Variants in UBE2U observed in about 807,000 individuals in gnomAD.
UBE2U encodes the protein ubiquitin-conjugating enzyme E2 U.
UBE2U carries 39 observed loss-of-function variants against 41.2 expected under a neutral mutation model. The ratio of observed to expected loss-of-function variants is 0.95; its 90% confidence interval spans 0.73 to 1.24. The LOEUF is 1.24. Ranked by LOEUF, UBE2U falls within the 50% of genes most tolerant of loss-of-function variation. The probability of loss-of-function intolerance (pLI) is 0.00; values close to 1 mark genes in which losing one functional copy is unlikely to be tolerated. For missense variants in UBE2U, 336 were observed against 363.1 expected (o/e 0.93, Z 0.61); for synonymous variants, 107 against 117.8 (o/e 0.91, Z 0.60).
intron 1 of UBE2U, 88 bp downstream of exon 1, chr1:64,204,204 T>C (rs1651148581): frequency 7.8e-7 from 1 of 1,287,002 alleles, no homozygotes; most frequent in East Asian, 2.5e-5. Flanking sequence ...TAAGTAGTAA[T>C]TTAGTTAAAC....
At chr1:64,261,656 T>C (rs1397850281) in intron 9 of UBE2U, among the ~76,000 whole-genome samples, 1 of 152,154 alleles carries the variant, frequency 6.6e-6, no homozygotes, top group Non-Finnish European at 1.5e-5. Flanking sequence ...TCCATTCAAC[T>C]CTCCCTTCTT....
intron 1 of UBE2U, among the ~76,000 whole-genome samples, chr1:64,204,439 TA>T (rs2100227363): frequency 6.6e-6 from 1 of 152,314 alleles, no homozygotes; most frequent in Non-Finnish European, 1.5e-5. Flanking sequence ...TACTATACAA[TA>T]AGTAGTATTT....
At chr1:64,218,199 A>G (rs1652163666) in intron 5 of UBE2U, among the ~76,000 whole-genome samples, 2 of 152,104 alleles carry the variant, frequency 1.3e-5, no homozygotes, top group Non-Finnish European at 2.9e-5. Context: ...ATCATTCAGA[A>G]CCAGTTTTGT....
intron 7 of UBE2U, among the ~76,000 whole-genome samples, chr1:64,237,167 C>T (rs1644681914): frequency 6.6e-6 from 1 of 151,902 alleles, no homozygotes; most frequent in South Asian, 2.1e-4. Context: ...TTATGTTGCT[C>T]TATGGTTAGC....
chr1:64,250,669 T>C (rs909633377), intron 8 of UBE2U, among the ~76,000 whole-genome samples: 2 of 151,898 alleles, frequency 1.3e-5, no homozygotes, highest in Non-Finnish European at 2.9e-5. Flanking sequence ...AAGCCAAATG[T>C]CCAACAATGA....
At chr1:64,217,260 C>A (rs1652089715) in intron 5 of UBE2U, among the ~76,000 whole-genome samples, 1 of 152,112 alleles carries the variant, frequency 6.6e-6, no homozygotes, top group Non-Finnish European at 1.5e-5. Flanking sequence ...CAAAGAGCTT[C>A]TTTGATAAAA....
At chr1:64,260,047 C>T (rs1027861170) in intron 8 of UBE2U, among the ~76,000 whole-genome samples, 9 of 151,658 alleles carry the variant, frequency 5.9e-5, no homozygotes, top group Admixed American at 2.6e-4. Flanking sequence ...GAGACCCACA[C>T]GGAAAAGGTC....
At chr1:64,222,430 T>C (rs2100334354) in intron 6 of UBE2U, among the ~76,000 whole-genome samples, 1 of 152,348 alleles carries the variant, frequency 6.6e-6, no homozygotes, top group East Asian at 1.9e-4. Context: ...CAGAAGACCT[T>C]CTGTGGTCTC....
chr1:64,239,793 A>C (rs1442307142), intron 7 of UBE2U, among the ~76,000 whole-genome samples: 1 of 152,056 alleles, frequency 6.6e-6, no homozygotes, highest in African/African-American at 2.4e-5. Flanking sequence ...GTTGGTTCCA[A>C]GTCTTGGCTA....
chr1:64,253,412 G>A (rs1419374906), intron 8 of UBE2U, among the ~76,000 whole-genome samples: 1 of 152,040 alleles, frequency 6.6e-6, no homozygotes, highest in Non-Finnish European at 1.5e-5. Context: ...GAAATCCAGA[G>A]AACCCCAGTA....
intron 6 of UBE2U, among the ~76,000 whole-genome samples, chr1:64,224,533 G>C (rs1025321299): frequency 1.3e-5 from 2 of 152,072 alleles, no homozygotes; most frequent in African/African-American, 4.8e-5. Flanking sequence ...AACCAGCCTG[G>C]TCAACATGAT....
rs112155841 is a variant in UBE2U at position 64,227,809 on chromosome 1, A to C, written c.507-4752A>C. 5.2e-4 allele frequency among the ~76,000 whole-genome samples: 78 copies of C among 150,314 alleles called. 1 individual carries two copies. The highest frequency in any genetic ancestry group is 6.8e-3 in the Middle Eastern group (2 of 292). The stretch of plus-strand genomic sequence containing the variant: ...AACAAGAACAAAACTTCATCTCACA[A>C]AAAAAAAAATGATAATAAAATACCA... On this transcript the variant is annotated intron_variant, in intron 6 of 9. Coordinates refer to ENST00000371077, the MANE Select transcript of UBE2U (RefSeq NM_001366232.2).
chr1:64,239,116 A>AGGAAGAAGAAG (rs201771035), intron 7 of UBE2U, among the ~76,000 whole-genome samples: 1 of 35,250 alleles, frequency 2.8e-5, no homozygotes, highest in African/African-American at 2.2e-4. Flanking sequence ...AAGAAGAAGA[A>AGGAAGAAGAAG]GAAGAAGAAG....
At chr1:64,205,225 T>C (rs1209527669) in intron 1 of UBE2U, among the ~76,000 whole-genome samples, 1 of 152,240 alleles carries the variant, frequency 6.6e-6, no homozygotes, top group Non-Finnish European at 1.5e-5. Context: ...TTTTTCTTAA[T>C]GAAAATGTTC....
At position 64,262,494 on chromosome 1, in the gene UBE2U, G is replaced by A. The variant is rs1419843776; in HGVS notation, c.769+1800G>A. On this transcript the variant is annotated intron_variant, in intron 9 of 9. Coordinates refer to ENST00000371077, the MANE Select transcript of UBE2U (RefSeq NM_001366232.2). ...TGCTTCCCAGCCCAGTGAGGTTGTC[G>A]ACAGAATCCATTTTCTTCTGTCTTT... Among the ~76,000 whole-genome samples the A allele has an allele frequency of 5.3e-5, 8 of 152,190 alleles. No homozygotes were observed. The South Asian group carries it at 1.5e-3, about 28-fold the overall frequency.
chr1:64,239,631 T>C (rs1644799966), intron 7 of UBE2U, among the ~76,000 whole-genome samples: 1 of 151,310 alleles, frequency 6.6e-6, no homozygotes. Context: ...TGGTTTTCTG[T>C]CCTTGTGATA....
At chr1:64,245,381 A>G (rs941781943) in intron 8 of UBE2U, among the ~76,000 whole-genome samples, 3 of 152,190 alleles carry the variant, frequency 2.0e-5, no homozygotes, top group African/African-American at 4.8e-5. Flanking sequence ...ATATAAAACT[A>G]TGTTTGTGCC....
In UBE2U at chr1:64,204,010, G is replaced by C; in HGVS notation, c.-41G>C. On this transcript the variant is annotated 5_prime_UTR_variant, in exon 1 of 10. Coordinates refer to ENST00000371077, the MANE Select transcript of UBE2U (RefSeq NM_001366232.2). Reference sequence around the variant, plus strand: ...CAAACATCTGCCTCAGAGTAAACCTGAGGCATTTGGGGACAAGTGTCAGAC... The same window carrying C: ...CAAACATCTGCCTCAGAGTAAACCTCAGGCATTTGGGGACAAGTGTCAGAC... 1.3e-6 allele frequency: 2 copies of C among 1,599,646 alleles called. No homozygotes were observed. The highest frequency in any genetic ancestry group is 2.7e-5 in the African/African-American group (2 of 74,698).
intron 7 of UBE2U, among the ~76,000 whole-genome samples, chr1:64,235,451 A>G (rs1269186379): frequency 1.3e-5 from 2 of 152,200 alleles, no homozygotes; most frequent in Admixed American, 6.5e-5. Context: ...TTATCTTTTG[A>G]TAGTTCAGCT....
Sources: allele counts gnomAD v4.1 joint callset (sites outside exome capture counted in the v4.1 genomes callset), GRCh38; gene constraint gnomAD v4.1.1; transcripts MANE v1.5; gene names NCBI Gene and HGNC (gene_info 2026-07-23, HGNC 2026-07-21).